The following PCDH11X variants were observed in gnomAD, a reference collection of about 807,000 sequenced individuals.
PCDH11X encodes protocadherin-11 X-linked.
PCDH11X carries 18 observed loss-of-function variants against 53.3 expected under a neutral mutation model. The ratio of observed to expected loss-of-function variants is 0.34; its 90% CI spans 0.23 to 0.50. The LOEUF is 0.50. PCDH11X is among the 20% of genes least tolerant of loss of function. The pLI is 0.98. For synonymous variants in PCDH11X, 279 were observed against 393.3 expected (o/e 0.71, Z 3.44); for missense variants, 570 against 1,032.4 (o/e 0.55, Z 6.14).
intron 10 of PCDH11X, among the ~76,000 whole-genome samples, chrX:92,530,118 C>T (rs1351379351): frequency 3.6e-5 from 4 of 110,362 alleles, no homozygotes; most frequent in African/African-American, 6.6e-5. Context: ...AGATGGTTCT[C>T]AAAGACAGAA....
At chrX:92,153,646 G>C (rs1315706162) in intron 6 of PCDH11X, among the ~76,000 whole-genome samples, 1 of 111,255 alleles carries the variant, frequency 9.0e-6, no homozygotes, top group Non-Finnish European at 1.9e-5. Flanking sequence ...TTATCTAAAG[G>C]ATTTCTCTCA....
At chrX:92,383,613 A>G (rs1463824957) in intron 8 of PCDH11X, among the ~76,000 whole-genome samples, 2 of 110,909 alleles carry the variant, frequency 1.8e-5, no homozygotes, top group Non-Finnish European at 3.8e-5. Flanking sequence ...GCTGAGAATG[A>G]TGGTTTCCAG....
rs576370051 is a variant in PCDH11X at position 92,526,370 on chromosome X, G to C, written c.3367+58048G>C. 1.2e-3 allele frequency among the ~76,000 whole-genome samples: 132 copies of C among 108,168 alleles called. 1 individual carries two copies. Among genetic ancestry groups the C allele is most frequent in the African/African-American group, 4.2e-3 (125 of 29,739 alleles). 93.9% of individuals were successfully genotyped at this position (108,168 alleles called of 115,157 possible). Reference sequence around the variant, plus strand: ...TGTTTACAATGGGGAGCCATTGTTCGCACACTACCCATCTGACAAGTGATT... The same window carrying C: ...TGTTTACAATGGGGAGCCATTGTTCCCACACTACCCATCTGACAAGTGATT... On this transcript the variant is annotated intron_variant, in intron 10 of 10. Coordinates refer to ENST00000682573, the MANE Select transcript of PCDH11X (RefSeq NM_032968.5).
intron 7 of PCDH11X, among the ~76,000 whole-genome samples, chrX:92,237,153 T>C (rs1183556322): frequency 9.0e-5 from 10 of 111,315 alleles, no homozygotes; most frequent in Non-Finnish European, 1.9e-4. Flanking sequence ...GAGAAATTTG[T>C]GGTTTTTTTA....
intron 6 of PCDH11X, among the ~76,000 whole-genome samples, chrX:92,149,306 T>C (rs2065386598): frequency 9.1e-6 from 1 of 109,582 alleles, no homozygotes; most frequent in African/African-American, 3.3e-5. Context: ...ATATTTAGAT[T>C]GACTTACTGT....
chrX:92,065,177 C>CT (rs754644391), intron 6 of PCDH11X, among the ~76,000 whole-genome samples: 214 of 99,644 alleles, frequency 2.1e-3, no homozygotes, highest in Non-Finnish European at 3.6e-3. Context: ...TGATCTCATT[C>CT]TTTTTTTATG....
At chrX:92,095,385 G>T (rs1298553997) in intron 6 of PCDH11X, among the ~76,000 whole-genome samples, 3 of 110,798 alleles carry the variant, frequency 2.7e-5, no homozygotes, top group East Asian at 5.6e-4. Flanking sequence ...GTTCTAGTTT[G>T]TTGTTTAGAG....
intron 4 of PCDH11X, among the ~76,000 whole-genome samples, chrX:91,832,421 C>T (rs1251618090): frequency 1.0e-5 from 1 of 100,323 alleles, no homozygotes; most frequent in Non-Finnish European, 2.0e-5. Flanking sequence ...CATATTCTCA[C>T]TCATAGGTGG....
rs945153249 is a variant in PCDH11X, at chrX:92,422,465, T to C, written c.3343+34532T>C. Among the ~76,000 whole-genome samples the C allele has an allele frequency of 7.3e-5, 8 of 109,868 alleles. No individual in the cohort carries two copies. The Admixed American group carries it at 7.7e-4, about 11-fold the overall frequency. On this transcript the variant is annotated intron_variant, in intron 9 of 10. Transcript: ENST00000682573. ...CTTAGAATAATGATCTCCAATTCCA[T>C]CCTGATTGCTGCAAATGTGATTATA...
chrX:91,911,167 G>A lies in PCDH11X; in HGVS notation c.3033+31894G>A, dbSNP rs2525144. Among the ~76,000 whole-genome samples the A allele has an allele frequency of 8.7e-4, 97 of 110,952 alleles. 3 individuals carry two copies. The South Asian group carries it at 0.036, about 41-fold the overall frequency. On this transcript the variant is annotated intron_variant, in intron 6 of 10. Transcript: ENST00000682573. ...GGATTGGATAATATTTATCCAGTCC[G>A]ATAAATGTTAGGTCCTTTTTTATTG...
At chrX:92,123,613 C>G (rs2064810274) in intron 6 of PCDH11X, among the ~76,000 whole-genome samples, 1 of 103,955 alleles carries the variant, frequency 9.6e-6, no homozygotes, top group Admixed American at 1.1e-4. Context: ...CAGTCCCTCA[C>G]CAGACTCTAT....
chrX:92,267,206 T>C (rs745434659), intron 8 of PCDH11X, among the ~76,000 whole-genome samples: 1 of 111,903 alleles, frequency 8.9e-6, no homozygotes, highest in African/African-American at 3.2e-5. Context: ...TTTTTCAAGA[T>C]CCCTTCCCAC....
At chrX:92,120,866 T>C (rs1354553517) in intron 6 of PCDH11X, among the ~76,000 whole-genome samples, 1 of 111,711 alleles carries the variant, frequency 9.0e-6, no homozygotes, top group Non-Finnish European at 1.9e-5. Flanking sequence ...CTATAGTGTA[T>C]GCACTATGGA....
chrX:92,132,285 CAAAAAAAAAAAAAAAAAAAAAAAAAA>C (rs778221916), intron 6 of PCDH11X, among the ~76,000 whole-genome samples: 5 of 8,856 alleles, frequency 5.6e-4, no homozygotes, highest in African/African-American at 1.5e-3. Context: ...ACCTCTGTCT[CAAAAAAAAAAAAAAAAAAAAAAAAAA>C]AAAAAAAAAA....
intron 8 of PCDH11X, among the ~76,000 whole-genome samples, chrX:92,266,160 T>C (rs983760766): frequency 8.9e-6 from 1 of 112,025 alleles, no homozygotes; most frequent in African/African-American, 3.2e-5. Flanking sequence ...TTTAAATATA[T>C]TAAGTGTCAG....
chrX:92,569,005 C>T (rs1166244058), intron 10 of PCDH11X, among the ~76,000 whole-genome samples: 3 of 111,346 alleles, frequency 2.7e-5, no homozygotes, highest in East Asian at 2.8e-4. Flanking sequence ...CAACTTTGCT[C>T]GGGAATCTTC....
chrX:92,495,923 A>C (rs1301245506), intron 10 of PCDH11X, among the ~76,000 whole-genome samples: 1 of 104,411 alleles, frequency 9.6e-6, no homozygotes, highest in Non-Finnish European at 1.9e-5. Context: ...AATTATGGGA[A>C]TACAATTCAA....
intron 6 of PCDH11X, among the ~76,000 whole-genome samples, chrX:92,195,868 G>T (rs889193655): frequency 8.9e-6 from 1 of 112,030 alleles, no homozygotes; most frequent in South Asian, 3.7e-4. Flanking sequence ...TGTCTTGTCT[G>T]TGCCATGCTG....
In PCDH11X at chrX:92,255,808, C is replaced by T. The variant is rs200550406; in HGVS notation, c.3115-7306C>T. ...CTGCCCATTCTCAGATCTCCAGCTG[C>T]GTACTGGGAGAACCACTGCTCTCTT... On this transcript the variant is annotated intron_variant, in intron 7 of 10. Coordinates refer to ENST00000682573, the MANE Select transcript of PCDH11X (RefSeq NM_032968.5). Among the ~76,000 whole-genome samples the T allele has an allele frequency of 6.5e-3, 726 of 111,904 alleles. 5 individuals are homozygous for T. Among genetic ancestry groups the T allele is most frequent in the African/African-American group, 0.021 (649 of 30,859 alleles).
Sources: allele counts gnomAD v4.1 joint callset (sites outside exome capture counted in the v4.1 genomes callset), GRCh38; gene constraint gnomAD v4.1.1; transcripts MANE v1.5; gene names NCBI Gene and HGNC (gene_info 2026-07-23, HGNC 2026-07-21).